The following PLA2G2F variants were observed in gnomAD, a reference collection of about 807,000 sequenced individuals.
The protein encoded by PLA2G2F is phospholipase A2 group IIF.
A neutral mutation model predicts 15.9 loss-of-function variants in PLA2G2F; 17 were observed. The observed-to-expected ratio is 1.07, with a 90% confidence interval of 0.73 to 1.60. The LOEUF (loss-of-function observed/expected upper bound fraction) is 1.60. PLA2G2F is among the 40% of genes most tolerant of loss of function. PLA2G2F has a pLI of 0.00. For missense variants in PLA2G2F, 299 were observed against 278.2 expected (o/e 1.07, Z -0.53); for synonymous variants, 119 against 106.5 (o/e 1.12, Z -0.72).
In PLA2G2F at chr1:20,149,251, C is replaced by T. The variant is rs2017680047; in HGVS notation, c.*850C>T. On this transcript the variant is annotated 3_prime_UTR_variant, in exon 5 of 5. Transcript: ENST00000375102. ...CCCCCGGCTCCGGGTCCCTGACAGA[C>T]ACTGCCCTCCTGGCCTGCACCTGGA... 6.6e-6 allele frequency: 1 copy of T among 152,528 alleles called. No individual in the cohort carries two copies. The highest frequency in any genetic ancestry group is 1.5e-5 in the Non-Finnish European group (1 of 68,280). 9.4% of individuals were successfully genotyped at this position (152,528 alleles called of 1,614,324 possible).
Position 20,139,411 on chromosome 1 carries a change from C to T in PLA2G2F, c.-17C>T, listed in dbSNP as rs1569890081. On this transcript the variant is annotated 5_prime_UTR_variant, in exon 1 of 5. Transcript: ENST00000375102. ...ACCTTCTGAGACCTATGTTGCTGGCCCCCCAGAACCCGCAACATGGCAGAT... is the reference window on the plus strand; with the variant it reads ...ACCTTCTGAGACCTATGTTGCTGGCTCCCCAGAACCCGCAACATGGCAGAT... 6.5e-7 allele frequency: 1 copy of T among 1,542,158 alleles called. No homozygotes were observed. The highest frequency in any genetic ancestry group is 8.8e-7 in the Non-Finnish European group (1 of 1,137,900).
chr1:20,143,506 G>A lies in PLA2G2F; in HGVS notation c.230G>A (p.Gly77Glu). The A allele has an allele frequency of 6.2e-7, 1 of 1,614,044 alleles. No homozygotes were observed. The highest frequency in any genetic ancestry group is 8.5e-7 in the Non-Finnish European group (1 of 1,179,946). Residue 77 changes from glycine (G) to glutamate (E), a missense_variant, in exon 3 of 5, where the codon GGG becomes GAG. Coordinates refer to ENST00000375102, the MANE Select transcript of PLA2G2F (RefSeq NM_022819.4). ...NLKAMVEAVT[G>E]RSAILSFVGY... The stretch of plus-strand genomic sequence containing the variant: ...AAGGCCATGGTGGAGGCCGTCACAG[G>A]GAGGAGCGCCATCCTGTCCTTCGTG...
intron 2 of PLA2G2F, chr1:20,141,869 CTCATG>C: frequency 6.6e-6 from 1 of 152,230 alleles, no homozygotes; most frequent in East Asian, 1.9e-4. Flanking sequence ...TGCCTGATCT[CTCATG>C]GTTTAGATTG....
chr1:20,144,668 A>G lies in PLA2G2F; in HGVS notation c.403A>G (p.Asn135Asp), dbSNP rs1278190794. ...GGACCACTATGATCACACCATCGAG[A>G]ACAACACTGAGATAGTCTGCAGTGA... ...YVDHYDHTIENNTEIVCSDLN... is the reference protein window; with the variant it reads ...YVDHYDHTIEDNTEIVCSDLN... The change falls in exon 4 of 5, where the codon AAC becomes GAC. Residue 135 changes from asparagine to aspartate, a missense_variant. Coordinates refer to ENST00000375102, the MANE Select transcript of PLA2G2F (RefSeq NM_022819.4). 2 of 1,608,458 alleles carry G rather than the reference A, an allele frequency of 1.2e-6. No individual in the cohort carries two copies. The highest frequency in any genetic ancestry group is 1.6e-4 in the Middle Eastern group (1 of 6,084).
intron 4 of PLA2G2F, among the ~76,000 whole-genome samples, chr1:20,144,892 T>C (rs1000166259): frequency 6.6e-6 from 1 of 152,134 alleles, no homozygotes; most frequent in Admixed American, 6.5e-5. Flanking sequence ...TCCTGGCTAA[T>C]GTGGTGAAAA....
chr1:20,140,478 G>A (rs974172204), intron 2 of PLA2G2F: 3 of 486,910 alleles, frequency 6.2e-6, no homozygotes, highest in Non-Finnish European at 7.4e-6. Flanking sequence ...GGTGTTGGCT[G>A]GGCATTTGTG....
chr1:20,143,292 C>A (rs965264156), intron 2 of PLA2G2F, 154 bp from the exon 3 acceptor site: 24 of 954,624 alleles, frequency 2.5e-5, no homozygotes, highest in African/African-American at 3.3e-5. Context: ...GCTGCCCACG[C>A]TTCTTGCCCC....
chr1:20,139,341 G>T lies in PLA2G2F; in HGVS notation c.-87G>T, dbSNP rs972498341. The T allele has an allele frequency of 5.8e-6, 6 of 1,034,880 alleles. No homozygotes were observed. Among genetic ancestry groups the T allele is most frequent in the Non-Finnish European group, 8.8e-6 (6 of 684,540 alleles). The allele number at this position is 1,034,880 out of a possible 1,614,324, so 64.1% of individuals were successfully genotyped here. A position where few individuals can be genotyped will look rare whatever the true frequency, so the allele number is the denominator to read the frequency against. On this transcript the variant is annotated 5_prime_UTR_variant, in exon 1 of 5. Coordinates refer to ENST00000375102, the MANE Select transcript of PLA2G2F (RefSeq NM_022819.4). ...CTCCCCTGCCAGTGTGCGAGGCAGCGTGAAGCTGGGGCCTGCTCCCCGCAG... is the reference window on the plus strand; with the variant it reads ...CTCCCCTGCCAGTGTGCGAGGCAGCTTGAAGCTGGGGCCTGCTCCCCGCAG...
At chr1:20,143,677 G>A (rs1179311305) in intron 3 of PLA2G2F, 87 bp downstream of exon 3, 3 of 1,497,688 alleles carry the variant, frequency 2.0e-6, no homozygotes, top group Non-Finnish European at 2.7e-6. Context: ...CCCTGAGTGG[G>A]GGAGACCTTC....
At chr1:20,148,054 T>C in intron 4 of PLA2G2F, 136 bp from the exon 5 acceptor site, 4 of 733,150 alleles carry the variant, frequency 5.5e-6, no homozygotes, top group Non-Finnish European at 9.6e-6. Flanking sequence ...TGGGTGGTGC[T>C]GGTCCTGCCG....
chr1:20,144,801 G>C (rs1338315117), intron 4 of PLA2G2F, 112 bp downstream of exon 4: 2 of 936,952 alleles, frequency 2.1e-6, no homozygotes, highest in Non-Finnish European at 1.6e-6. Flanking sequence ...TGCCAGCCGG[G>C]TGCGGTGGCT....
At chr1:20,144,516 T>A in intron 3 of PLA2G2F, 64 bp from the exon 4 acceptor site, 11 of 1,121,018 alleles carry the variant, frequency 9.8e-6, no homozygotes, top group Non-Finnish European at 1.2e-5. Context: ...TGATCAGAGG[T>A]CTCTGCTGGT....
Position 20,140,162 on chromosome 1 carries a change from T to C in PLA2G2F, c.117-4T>C. On this transcript the variant is annotated splice_region_variant and splice_polypyrimidine_tract_variant and intron_variant, in intron 1 of 4. Transcript: ENST00000375102. ...CTCAAGCTCCGGGTTTCGTCCTCCC[T>C]CAGGTCTAGCCTGGGTATGAAGAAG... 1 of 1,613,664 alleles carries C rather than the reference T, an allele frequency of 6.2e-7. No homozygotes were observed. The highest frequency in any genetic ancestry group is 8.5e-7 in the Non-Finnish European group (1 of 1,179,678).
rs139284980 is a variant in PLA2G2F at position 20,143,498 on chromosome 1, C to T, written c.222C>T (p.Ala74=). 12 of 1,613,904 alleles carry T rather than the reference C, an allele frequency of 7.4e-6. No homozygotes were observed. Among genetic ancestry groups the T allele is most frequent in the Admixed American group, 6.7e-5 (4 of 59,994 alleles). ...SLLNLKAMVE[A]VTGRSAILSF... is the part of the protein sequence containing the mutation. The stretch of plus-strand genomic sequence containing the variant: ...TCAACCTGAAGGCCATGGTGGAGGC[C>T]GTCACAGGGAGGAGCGCCATCCTGT... Residue 74 remains alanine, a synonymous_variant, in exon 3 of 5, where the codon GCC becomes GCT. Transcript: ENST00000375102.
intron 4 of PLA2G2F, among the ~76,000 whole-genome samples, chr1:20,147,965 C>T (rs2017644250): frequency 1.3e-5 from 2 of 152,092 alleles, no homozygotes; most frequent in South Asian, 4.1e-4. Context: ...CACCAGAGTC[C>T]CCTAGAGAGC....
chr1:20,140,555 A>G, intron 2 of PLA2G2F: 1 of 295,510 alleles, frequency 3.4e-6, no homozygotes, highest in Non-Finnish European at 6.4e-6. Context: ...AGACAGGCAC[A>G]GGCATCTATG....
intron 4 of PLA2G2F, among the ~76,000 whole-genome samples, chr1:20,147,859 G>C (rs527538192): frequency 1.3e-5 from 2 of 152,188 alleles, no homozygotes; most frequent in African/African-American, 4.8e-5. Flanking sequence ...TAGTTCTGTG[G>C]GTGACTTAGG....
intron 1 of PLA2G2F, 143 bp downstream of exon 1, chr1:20,139,686 G>C: frequency 1.5e-6 from 1 of 652,078 alleles, no homozygotes; most frequent in Non-Finnish European, 2.5e-6. Flanking sequence ...CCTTCACGTG[G>C]CACTCATGTG....
chr1:20,142,765 C>G (rs982805375), intron 2 of PLA2G2F: 1 of 152,292 alleles, frequency 6.6e-6, no homozygotes, highest in African/African-American at 2.4e-5. Context: ...ACCGAATTGT[C>G]GCTGGATTGA....
Sources: gnomAD v4.1 joint callset for allele counts (sites outside exome capture counted in the v4.1 genomes callset) on GRCh38, gnomAD v4.1.1 for gene constraint, MANE v1.5 for transcripts, NCBI Gene and HGNC (gene_info 2026-07-23, HGNC 2026-07-21) for gene names.